The following SETBP1 variants were observed in gnomAD, a reference collection of about 807,000 sequenced individuals.
The protein encoded by SETBP1 is SET binding protein 1, also known as SET-binding protein.
Under a neutral mutation model 101.0 loss-of-function variants are expected in SETBP1, and 9 were observed. That is an observed-to-expected ratio of 0.09 (90% CI 0.05 to 0.16). The LOEUF is 0.16. SETBP1 is among the 10% of genes least tolerant of loss of function. SETBP1 has a pLI of 1.00. For synonymous variants in SETBP1, 818 were observed against 788.5 expected (o/e 1.04, Z -0.63); for missense variants, 1,858 against 2,033.8 (o/e 0.91, Z 1.66).
intron 4 of SETBP1, among the ~76,000 whole-genome samples, chr18:44,995,011 T>G (rs1320663576): frequency 1.3e-5 from 2 of 152,168 alleles, no homozygotes; most frequent in Non-Finnish European, 2.9e-5. Flanking sequence ...AAAAGGTACT[T>G]TTCTTAAGTT....
intron 4 of SETBP1, among the ~76,000 whole-genome samples, chr18:44,992,418 C>T (rs921193547): frequency 1.3e-5 from 2 of 151,396 alleles, no homozygotes; most frequent in Non-Finnish European, 2.9e-5. Context: ...TGATTAAGAT[C>T]AAGACTGATA....
At chr18:44,889,848 A>G (rs1318340284) in intron 3 of SETBP1, among the ~76,000 whole-genome samples, 2 of 152,182 alleles carry the variant, frequency 1.3e-5, no homozygotes, top group Non-Finnish European at 2.9e-5. Context: ...TTCTTCTGCA[A>G]TCCCTATTTC....
At chr18:44,966,529 T>G (rs2071724425) in intron 4 of SETBP1, among the ~76,000 whole-genome samples, 1 of 152,208 alleles carries the variant, frequency 6.6e-6, no homozygotes, top group South Asian at 2.1e-4. Flanking sequence ...TTATATTAGG[T>G]AGGGATGTCT....
At chr18:45,013,151 G>C (rs983454849) in intron 4 of SETBP1, among the ~76,000 whole-genome samples, 13 of 152,228 alleles carry the variant, frequency 8.5e-5, no homozygotes, top group Non-Finnish European at 1.8e-4. Context: ...AGGATGCTGA[G>C]TCTGTGCCAG....
intron 2 of SETBP1, among the ~76,000 whole-genome samples, chr18:44,772,170 T>G (rs1233457972): frequency 6.6e-6 from 1 of 152,104 alleles, no homozygotes; most frequent in Admixed American, 6.5e-5. Flanking sequence ...TGACCTGGGC[T>G]TTTCCAAAGG....
At chr18:44,731,535 A>G (rs1244100680) in intron 2 of SETBP1, among the ~76,000 whole-genome samples, 1 of 152,204 alleles carries the variant, frequency 6.6e-6, no homozygotes, top group African/African-American at 2.4e-5. Flanking sequence ...TGATTTGTGA[A>G]TAAAAATGTT....
intron 4 of SETBP1, among the ~76,000 whole-genome samples, chr18:44,973,502 T>C (rs1317710675): frequency 1.3e-5 from 2 of 152,178 alleles, no homozygotes; most frequent in African/African-American, 4.8e-5. Context: ...GTGAGAGAGA[T>C]GCTCTTAGAA....
chr18:44,892,219 A>T (rs1383055590), intron 3 of SETBP1, among the ~76,000 whole-genome samples: 2 of 152,146 alleles, frequency 1.3e-5, no homozygotes, highest in African/African-American at 4.8e-5. Flanking sequence ...CAAAAATAAA[A>T]TTCCACTGGC....
chr18:44,880,940 G>A (rs1599268663), intron 3 of SETBP1, among the ~76,000 whole-genome samples: 1 of 152,332 alleles, frequency 6.6e-6, no homozygotes, highest in East Asian at 1.9e-4. Flanking sequence ...TACAGTCTGT[G>A]TGCTTCCAGC....
chr18:44,848,190 G>T (rs776634034), intron 2 of SETBP1, among the ~76,000 whole-genome samples: 1 of 152,158 alleles, frequency 6.6e-6, no homozygotes, highest in Non-Finnish European at 1.5e-5. Context: ...AAGAGTCAGT[G>T]TGGCTGAAGC....
At chr18:44,808,298 T>G (rs1415145045) in intron 2 of SETBP1, among the ~76,000 whole-genome samples, 1 of 152,194 alleles carries the variant, frequency 6.6e-6, no homozygotes, top group Non-Finnish European at 1.5e-5. Context: ...AATCTTTGTT[T>G]CTTTGTTTGC....
chr18:44,833,052 G>A (rs932647061), intron 2 of SETBP1, among the ~76,000 whole-genome samples: 3 of 152,218 alleles, frequency 2.0e-5, no homozygotes, highest in African/African-American at 7.2e-5. Context: ...TGTCTGCTCT[G>A]ATTAGGGGCC....
At chr18:44,787,310 T>C (rs1568144181) in intron 2 of SETBP1, among the ~76,000 whole-genome samples, 1 of 152,180 alleles carries the variant, frequency 6.6e-6, no homozygotes, top group Non-Finnish European at 1.5e-5. Flanking sequence ...CCTGAAGTAC[T>C]TTCAGAGTCT....
At chr18:45,018,492 T>C (rs1330886239) in intron 4 of SETBP1, among the ~76,000 whole-genome samples, 2 of 152,216 alleles carry the variant, frequency 1.3e-5, no homozygotes, top group Non-Finnish European at 2.9e-5. Context: ...TGGAAACATA[T>C]GAGAAGTATA....
chr18:44,800,075 T>C (rs2071572449), intron 2 of SETBP1, among the ~76,000 whole-genome samples: 1 of 152,278 alleles, frequency 6.6e-6, no homozygotes, highest in Admixed American at 6.5e-5. Flanking sequence ...CTTTGGCTAC[T>C]GGGACCTTAG....
chr18:44,827,806 C>T (rs1181267648), intron 2 of SETBP1, among the ~76,000 whole-genome samples: 2 of 152,214 alleles, frequency 1.3e-5, no homozygotes, highest in Non-Finnish European at 2.9e-5. Flanking sequence ...GCACGTGCCA[C>T]ATTTGTTGAC....
chr18:44,867,387 T>C (rs115689537), intron 2 of SETBP1, among the ~76,000 whole-genome samples: 1,891 of 152,276 alleles, frequency 0.012, 33 homozygotes, highest in African/African-American at 0.043. Context: ...CTGCCACCTT[T>C]CCATGTGAAA....
chr18:45,008,109 A>G (rs1317671701), intron 4 of SETBP1, among the ~76,000 whole-genome samples: 1 of 152,174 alleles, frequency 6.6e-6, no homozygotes, highest in Non-Finnish European at 1.5e-5. Context: ...GGGTTCAGAA[A>G]AAGTTCAAGA....
chr18:44,712,322 A>G (rs575401013), intron 2 of SETBP1, among the ~76,000 whole-genome samples: 1 of 152,350 alleles, frequency 6.6e-6, no homozygotes, highest in Non-Finnish European at 1.5e-5. Context: ...GCCACCCACC[A>G]TGTCTTGCCA....
Sources: gnomAD v4.1 joint callset for allele counts (sites outside exome capture counted in the v4.1 genomes callset) on GRCh38, gnomAD v4.1.1 for gene constraint, MANE v1.5 for transcripts, NCBI Gene and HGNC (gene_info 2026-07-23, HGNC 2026-07-21) for gene names.